JCAD: variants seen among roughly 807,000 people sequenced by gnomAD.
JCAD encodes the protein junctional cadherin 5-associated protein.
JCAD carries 40 observed loss-of-function variants against 98.0 expected under a neutral mutation model. That is an observed-to-expected ratio of 0.41 (90% CI 0.32 to 0.53). The LOEUF (loss-of-function observed/expected upper bound fraction) is 0.53. Among genes scored for constraint, JCAD ranks in the 20% least tolerant of loss-of-function variants. The pLI is 0.31. For synonymous variants in JCAD, 691 were observed against 682.3 expected (o/e 1.01, Z -0.20); for missense variants, 1,705 against 1,738.1 (o/e 0.98, Z 0.34).
In JCAD at chr10:30,047,751, G is replaced by T; in HGVS notation, c.62C>A (p.Ala21Glu). 1.9e-6 allele frequency: 3 copies of T among 1,614,228 alleles called. No individual in the cohort carries two copies. Among genetic ancestry groups the T allele is most frequent in the Non-Finnish European group, 2.5e-6 (3 of 1,180,040 alleles). ...HGYKLSRDPP[A>E]SREDNPKGRQ... ...CCCCTTGGGGTTATCCTCGCGTGAT[G>T]CTGGGGGGTCTCTTGACAGCTTGTA... Residue 21 changes from alanine to glutamate, a missense_variant, in exon 2 of 4, where the codon GCA becomes GAA. Ala to Glu is a moderately radical substitution (Grantham distance 107). Transcript: ENST00000375377.
rs75284132 is a variant in JCAD at position 30,051,349 on chromosome 10, C to T, written c.-59-3478G>A. 4.3e-3 allele frequency among the ~76,000 whole-genome samples: 657 copies of T among 151,594 alleles called. 6 individuals carry two copies. The highest frequency in any genetic ancestry group is 0.015 in the African/African-American group (624 of 41,332). On this transcript the variant is annotated intron_variant, in intron 1 of 3. Coordinates refer to ENST00000375377, the MANE Select transcript of JCAD (RefSeq NM_020848.4). Reference sequence around the variant, plus strand: ...CTTGGCTATAATGTCTTGATGGCAACGCTGGTGTTAATGTTTAAATGCTCA... The same window carrying T: ...CTTGGCTATAATGTCTTGATGGCAATGCTGGTGTTAATGTTTAAATGCTCA...
intron 1 of JCAD, among the ~76,000 whole-genome samples, chr10:30,089,891 C>T (rs1019581059): frequency 1.3e-5 from 2 of 152,124 alleles, no homozygotes; most frequent in African/African-American, 2.4e-5. Context: ...ATGATTGTTT[C>T]AAAATAAATT....
chr10:30,108,688 A>G (rs1351296718), intron 1 of JCAD, among the ~76,000 whole-genome samples: 1 of 152,174 alleles, frequency 6.6e-6, no homozygotes, highest in African/African-American at 2.4e-5. Flanking sequence ...GTTTTCACTA[A>G]GTCCGTGGGA....
chr10:30,029,150 G>C lies in JCAD; in HGVS notation c.998C>G (p.Pro333Arg). The C allele has an allele frequency of 6.2e-7, 1 of 1,614,198 alleles. No individual in the cohort carries two copies. Among genetic ancestry groups the C allele is most frequent in the Non-Finnish European group, 8.5e-7 (1 of 1,180,032 alleles). The change falls in exon 3 of 4, where the codon CCT becomes CGT. Residue 333 changes from proline (P) to arginine (R), a missense_variant. By Grantham distance (103) the Pro-to-Arg change is moderately radical. Coordinates refer to ENST00000375377, the MANE Select transcript of JCAD (RefSeq NM_020848.4). ...CACGTACACTGGAGGTTCCAATCCA[G>C]GGTCTGACAGGCAGAGCTCATGCCT... The part of the protein sequence containing the change: ...VPRHELCLSD[P>R]GLEPPVYVPP...
chr10:30,055,606 G>A (rs748859688), intron 1 of JCAD, among the ~76,000 whole-genome samples: 3 of 152,184 alleles, frequency 2.0e-5, no homozygotes, highest in Non-Finnish European at 2.9e-5. Flanking sequence ...CATACCACAC[G>A]TGTGATGACC....
chr10:30,061,731 C>CTT (rs72058801), upstream of JCAD, among the ~76,000 whole-genome samples: 701 of 142,044 alleles, frequency 4.9e-3, 6 homozygotes, highest in African/African-American at 0.017. Context: ...GAAATGCAGA[C>CTT]TTTTTTTTTT....
chr10:30,099,989 T>C (rs1838442130), intron 1 of JCAD, among the ~76,000 whole-genome samples: 3 of 152,144 alleles, frequency 2.0e-5, no homozygotes, highest in Non-Finnish European at 4.4e-5. Flanking sequence ...CCAGTCACTC[T>C]CTTTAAATTA....
Position 30,029,270 on chromosome 10 carries a change from A to G in JCAD, c.878T>C (p.Leu293Pro). The change falls in exon 3 of 4, where the codon CTC becomes CCC. Residue 293 changes from leucine to proline, a missense_variant. By Grantham distance (98) the Leu-to-Pro change is moderately conservative. Transcript: ENST00000375377. Reference sequence around the variant, plus strand: ...GTGCGAGCTGTAAGATGGGGGCTTGAGGGGCCTCCCAAACTTAGGCCGGGG... The same window carrying G: ...GTGCGAGCTGTAAGATGGGGGCTTGGGGGGCCTCCCAAACTTAGGCCGGGG... ...PFPRPKFGRP[L>P]KPPSYSSHQQ... 1 of 1,614,086 alleles carries G rather than the reference A, an allele frequency of 6.2e-7. No homozygotes were observed. Among genetic ancestry groups the G allele is most frequent in the Non-Finnish European group, 8.5e-7 (1 of 1,180,014 alleles).
chr10:30,034,448 C>T (rs746496845), intron 2 of JCAD, among the ~76,000 whole-genome samples: 4 of 152,056 alleles, frequency 2.6e-5, no homozygotes, highest in Non-Finnish European at 5.9e-5. Flanking sequence ...GTCTTAACAC[C>T]GGGCACGGTA....
At chr10:30,049,317 C>T (rs917538779) in intron 1 of JCAD, among the ~76,000 whole-genome samples, 1 of 152,156 alleles carries the variant, frequency 6.6e-6, no homozygotes, top group Non-Finnish European at 1.5e-5. Flanking sequence ...GCAGCCATGG[C>T]GAACAATGGC....
chr10:30,052,538 G>A (rs983362161), intron 1 of JCAD, among the ~76,000 whole-genome samples: 1 of 152,170 alleles, frequency 6.6e-6, no homozygotes, highest in African/African-American at 2.4e-5. Context: ...CCCATGCAGA[G>A]GCCACCCAAG....
intron 1 of JCAD, among the ~76,000 whole-genome samples, chr10:30,111,089 C>A (rs1380098376): frequency 2.0e-5 from 3 of 151,908 alleles, no homozygotes; most frequent in Non-Finnish European, 2.9e-5. Context: ...TGCCTCTACC[C>A]CCGACCTGAT....
intron 1 of JCAD, among the ~76,000 whole-genome samples, chr10:30,089,740 T>C (rs993070526): frequency 7.2e-5 from 11 of 152,310 alleles, no homozygotes; most frequent in South Asian, 2.1e-4. Context: ...GCAGATGAGT[T>C]AATCACTTGG....
intron 1 of JCAD, among the ~76,000 whole-genome samples, chr10:30,095,394 C>T (rs114289480): frequency 6.6e-6 from 1 of 152,206 alleles, no homozygotes; most frequent in Non-Finnish European, 1.5e-5. Flanking sequence ...CCTGGGCCAG[C>T]CTTGCAATGG....
chr10:30,051,256 ACACGCACACACG>A (rs997741729), intron 1 of JCAD, among the ~76,000 whole-genome samples: 48 of 140,494 alleles, frequency 3.4e-4, no homozygotes, highest in South Asian at 1.8e-3. Flanking sequence ...CTCACACACC[ACACGCACACACG>A]CACGCACACA....
At chr10:30,096,662 C>A (rs530157014) in intron 1 of JCAD, among the ~76,000 whole-genome samples, 2 of 149,936 alleles carry the variant, frequency 1.3e-5, no homozygotes, top group Admixed American at 1.3e-4. Context: ...GTGCCAACAT[C>A]TCAGGTCCCT....
intron 1 of JCAD, among the ~76,000 whole-genome samples, chr10:30,077,257 G>C (rs905129928): frequency 1.1e-4 from 16 of 152,096 alleles, no homozygotes; most frequent in African/African-American, 3.6e-4. Flanking sequence ...GAATCAAATA[G>C]AATTGGCCTT....
intron 1 of JCAD, among the ~76,000 whole-genome samples, chr10:30,054,701 C>G (rs112582411): frequency 2.0e-5 from 3 of 147,898 alleles, no homozygotes; most frequent in African/African-American, 7.5e-5. Context: ...GACGGAGTCT[C>G]GCTGTCGCCC....
At chr10:30,095,972 T>C (rs1194574361) in intron 1 of JCAD, among the ~76,000 whole-genome samples, 1 of 152,208 alleles carries the variant, frequency 6.6e-6, no homozygotes, top group African/African-American at 2.4e-5. Flanking sequence ...GAACTTCTCT[T>C]TGAAGCTTGT....
Sources: gnomAD v4.1 joint callset for allele counts (sites outside exome capture counted in the v4.1 genomes callset) on GRCh38, gnomAD v4.1.1 for gene constraint, MANE v1.5 for transcripts, NCBI Gene and HGNC (gene_info 2026-07-23, HGNC 2026-07-21) for gene names.